Variants in TRIO observed in about 807,000 individuals in gnomAD.
TRIO encodes the protein triple functional domain protein.
Under a neutral mutation model 351.9 loss-of-function variants are expected in TRIO, and 58 were observed. That is an observed-to-expected ratio of 0.16 (90% confidence interval 0.13 to 0.21). The LOEUF (loss-of-function observed/expected upper bound fraction) is 0.21, where lower values mean the gene tolerates loss of function less well. TRIO is among the 10% of genes least tolerant of loss of function. TRIO has a pLI of 1.00. For synonymous variants in TRIO, 1,758 were observed against 1,595.7 expected (o/e 1.10, Z -2.42); for missense variants, 3,201 against 4,027.8 (o/e 0.79, Z 5.56).
chr5:14,429,608 A>C (rs1750926939), intron 34 of TRIO, among the ~76,000 whole-genome samples: 1 of 152,162 alleles, frequency 6.6e-6, no homozygotes, highest in African/African-American at 2.4e-5. Context: ...ACGTTCACAC[A>C]CCCCACCCAT....
intron 1 of TRIO, among the ~76,000 whole-genome samples, chr5:14,221,512 A>G (rs1276440254): frequency 1.3e-5 from 2 of 152,270 alleles, no homozygotes; most frequent in South Asian, 2.1e-4. Context: ...CATGAGGAAC[A>G]TTTGTGATTC....
At chr5:14,490,385 G>A (rs904668423) in intron 48 of TRIO, among the ~76,000 whole-genome samples, 1 of 152,224 alleles carries the variant, frequency 6.6e-6, no homozygotes, top group African/African-American at 2.4e-5. Context: ...TCAAGCAGCT[G>A]TGCCCAGCCC....
intron 1 of TRIO, among the ~76,000 whole-genome samples, chr5:14,216,652 ACT>A (rs1461162795): frequency 3.3e-5 from 5 of 152,066 alleles, no homozygotes; most frequent in East Asian, 3.9e-4. Context: ...GTTTTTAAAG[ACT>A]CTGTGTATCG....
In TRIO at chr5:14,286,496, C is replaced by T. The variant is rs557689253; in HGVS notation, c.348-375C>T. Among the ~76,000 whole-genome samples, 4 of 152,008 alleles carry T rather than the reference C, an allele frequency of 2.6e-5. No homozygotes were observed. Among genetic ancestry groups the T allele is most frequent in the Non-Finnish European group, 4.4e-5 (3 of 68,016 alleles). On this transcript the variant is annotated intron_variant, in intron 3 of 56. Transcript: ENST00000344204. This position sits in a 1 kb window ranked among gnomAD's most constrained non-coding sequence, Gnocchi z 4.4. The stretch of plus-strand genomic sequence containing the variant: ...AGGCTGTCAGGGTTTTGTACTCACC[C>T]GATGCTCCCTGGAGACCTTTGCTCG...
At chr5:14,457,393 G>A (rs948858007) in intron 34 of TRIO, among the ~76,000 whole-genome samples, 9 of 68,828 alleles carry the variant, frequency 1.3e-4, no homozygotes, top group Non-Finnish European at 2.2e-4. Context: ...CCCCCGCCCC[G>A]CCCCCCGGTA....
intron 1 of TRIO, among the ~76,000 whole-genome samples, chr5:14,153,832 A>G (rs889991668): frequency 1.3e-5 from 2 of 152,110 alleles, no homozygotes; most frequent in African/African-American, 2.4e-5. Flanking sequence ...CTGGATTTTC[A>G]TTTTAAAATC....
intron 11 of TRIO, among the ~76,000 whole-genome samples, chr5:14,354,787 AT>A (rs1489580495): frequency 2.6e-5 from 4 of 152,166 alleles, no homozygotes; most frequent in African/African-American, 9.6e-5. Context: ...AGTGTTCTCC[AT>A]TTTTTGTCCA....
At chr5:14,506,546 A>G (rs1443810917) in intron 55 of TRIO, among the ~76,000 whole-genome samples, 1 of 152,182 alleles carries the variant, frequency 6.6e-6, no homozygotes, top group African/African-American at 2.4e-5. Context: ...CTTCACAGAG[A>G]GTCATAAGGA....
At position 14,390,146 on chromosome 5, in the gene TRIO, A is replaced by G. The variant is rs561087401; in HGVS notation, c.4059-85A>G. 441 of 1,253,288 alleles carry G rather than the reference A, an allele frequency of 3.5e-4. 2 individuals carry two copies. In the South Asian group the frequency reaches 5.3e-3, roughly 15 times the overall value. 77.6% of individuals were successfully genotyped at this position (1,253,288 alleles called of 1,614,324 possible). On this transcript the variant is annotated intron_variant, in intron 25 of 56. Transcript: ENST00000344204. ...ATGTTTTGTTCATTCTTTAGGGGGCACAGATTTCTCAGTTTCTGGCATATC... is the reference window on the plus strand; with the variant it reads ...ATGTTTTGTTCATTCTTTAGGGGGCGCAGATTTCTCAGTTTCTGGCATATC...
chr5:14,305,701 G>A (rs139927063), intron 8 of TRIO, among the ~76,000 whole-genome samples: 1 of 152,182 alleles, frequency 6.6e-6, no homozygotes, highest in Non-Finnish European at 1.5e-5. Context: ...TCACTGCCCA[G>A]CTGTCACTCT....
At chr5:14,469,476 C>A (rs1193354471) in intron 37 of TRIO, among the ~76,000 whole-genome samples, 1 of 152,190 alleles carries the variant, frequency 6.6e-6, no homozygotes, top group African/African-American at 2.4e-5. Flanking sequence ...TAGAATATTT[C>A]TGTAGACCTA....
chr5:14,275,975 CAT>C (rs199856506), intron 2 of TRIO, among the ~76,000 whole-genome samples: 121 of 143,904 alleles, frequency 8.4e-4, no homozygotes, highest in Non-Finnish European at 1.5e-3. Flanking sequence ...TATATACATA[CAT>C]ATATATATAT....
At chr5:14,395,897 C>T (rs769593113) in intron 28 of TRIO, among the ~76,000 whole-genome samples, 5 of 151,834 alleles carry the variant, frequency 3.3e-5, no homozygotes, top group Non-Finnish European at 7.4e-5. Context: ...TTCAAAAATA[C>T]TAGCCGGGCA....
intron 7 of TRIO, among the ~76,000 whole-genome samples, 192 bp from the exon 8 acceptor site, chr5:14,304,269 C>T (rs1277327171): frequency 6.6e-6 from 1 of 152,178 alleles, no homozygotes; most frequent in Non-Finnish European, 1.5e-5. Flanking sequence ...CCCAGTCCTG[C>T]TGGAACTCAC....
At chr5:14,255,936 A>G (rs1795000000) in intron 1 of TRIO, among the ~76,000 whole-genome samples, 1 of 152,370 alleles carries the variant, frequency 6.6e-6, no homozygotes, top group African/African-American at 2.4e-5. Flanking sequence ...CAACACAGCA[A>G]TATATTGTAT....
chr5:14,367,843 A>T (rs1205258717), intron 16 of TRIO, among the ~76,000 whole-genome samples: 1 of 152,160 alleles, frequency 6.6e-6, no homozygotes, highest in Non-Finnish European at 1.5e-5. Context: ...CTGAGGTGCA[A>T]ACTCTGGGCA....
At position 14,461,057 on chromosome 5, in the gene TRIO, G is replaced by T. The variant is rs1173060432; in HGVS notation, c.5242G>T (p.Ala1748Ser). The T allele has an allele frequency of 3.2e-6, 5 of 1,581,132 alleles. No homozygotes were observed. Among genetic ancestry groups the T allele is most frequent in the Non-Finnish European group, 3.4e-6 (4 of 1,164,210 alleles). ...CTCCAGCAATGACGCCAGTCCACCC[G>T]CATCCGTGGCTTCCCTCCAGCCCCA... ...SVSSNDASPP[A>S]SVASLQPHMI... Residue 1748 changes from alanine (A) to serine (S), a missense_variant, in exon 35 of 57, where the codon GCA (alanine) becomes TCA (serine). Transcript: ENST00000344204.
rs576849817 is a variant in TRIO, at chr5:14,380,008, A to G, written c.3448-1122A>G. On this transcript the variant is annotated intron_variant, in intron 20 of 56. Transcript: ENST00000344204. ...CTCCTTCCTATCTCCCACTCTAGTCATTGCCTTTCTTGGCGCTCATTTTTG... is the reference window on the plus strand; with the variant it reads ...CTCCTTCCTATCTCCCACTCTAGTCGTTGCCTTTCTTGGCGCTCATTTTTG... Among the ~76,000 whole-genome samples, 6 of 151,840 alleles carry G rather than the reference A, an allele frequency of 4.0e-5. No individual in the cohort carries two copies. In the East Asian group the frequency reaches 9.8e-4, roughly 25 times the overall value.
chr5:14,399,269 T>G lies in TRIO; in HGVS notation c.4614+199T>G, dbSNP rs115428044. 9.7e-4 allele frequency: 558 copies of G among 576,812 alleles called. 1 individual carries two copies. Among genetic ancestry groups the G allele is most frequent in the African/African-American group, 9.4e-3 (506 of 53,852 alleles). 35.7% of individuals were successfully genotyped at this position (576,812 alleles called of 1,614,324 possible). ...GTCCACTAGAGGGTGCTCTGGAGTTTATAGACTTAGGAAACTTGCTCTTCT... is the reference window on the plus strand; with the variant it reads ...GTCCACTAGAGGGTGCTCTGGAGTTGATAGACTTAGGAAACTTGCTCTTCT... On this transcript the variant is annotated intron_variant, in intron 30 of 56. Coordinates refer to ENST00000344204, the MANE Select transcript of TRIO (RefSeq NM_007118.4).
Sources: gnomAD v4.1 joint callset for allele counts (sites outside exome capture counted in the v4.1 genomes callset) on GRCh38, gnomAD v4.1.1 for gene constraint, Gnocchi (gnomAD v3.1) non-coding constraint, MANE v1.5 for transcripts, NCBI Gene and HGNC (gene_info 2026-07-23, HGNC 2026-07-21) for gene names.